SAE1: variants seen among roughly 807,000 people sequenced by gnomAD.
SAE1 encodes SUMO-activating enzyme subunit 1.
SAE1 carries 11 observed loss-of-function variants against 40.6 expected under a neutral mutation model. That is an observed-to-expected ratio of 0.27 (90% confidence interval 0.17 to 0.45). The LOEUF is 0.45. SAE1 is among the 20% of genes least tolerant of loss of function. The pLI is 1.00. For missense variants in SAE1, 373 were observed against 427.3 expected (o/e 0.87, Z 1.12); for synonymous variants, 155 against 154.3 (o/e 1.00, Z -0.03).
chr19:47,166,278 G>A (rs1362484120), intron 5 of SAE1, among the ~76,000 whole-genome samples: 1 of 152,170 alleles, frequency 6.6e-6, no homozygotes, highest in African/African-American at 2.4e-5. Flanking sequence ...AGTGGGCACG[G>A]ATGGGGGCCA....
chr19:47,182,490 T>TGTGTGTGTGC (rs1218293817), intron 6 of SAE1, among the ~76,000 whole-genome samples: 1 of 141,334 alleles, frequency 7.1e-6, no homozygotes, highest in East Asian at 2.0e-4. Context: ...TGTGTGTGTG[T>TGTGTGTGTGC]GTGTGTGCGC....
chr19:47,154,391 G>T (rs774662296), intron 4 of SAE1, among the ~76,000 whole-genome samples: 3 of 148,700 alleles, frequency 2.0e-5, no homozygotes, highest in Non-Finnish European at 4.5e-5. Flanking sequence ...GCTTCTTTGG[G>T]TATATTATAA....
Position 47,130,939 on chromosome 19 carries a change from G to GAAGGAGGAGGCTGGCGGCGGCATTAGC in SAE1, c.10_36dup (p.Lys4_Ser12dup), listed in dbSNP as rs2058137337. Reference sequence around the variant, plus strand: ...CAGGAAGAGCCGGCGCCATGGTGGAGAAGGAGGAGGCTGGCGGCGGCATTA... The same window carrying GAAGGAGGAGGCTGGCGGCGGCATTAGC: ...CAGGAAGAGCCGGCGCCATGGTGGAGAAGGAGGAGGCTGGCGGCGGCATTAGCAAGGAGGAGGCTGGCGGCGGCATTA... On this transcript the variant is annotated inframe_insertion, in exon 1 of 9. Coordinates refer to ENST00000270225, the MANE Select transcript of SAE1 (RefSeq NM_005500.3). The GAAGGAGGAGGCTGGCGGCGGCATTAGC allele has an allele frequency of 6.5e-7, 1 of 1,549,986 alleles. No individual in the cohort carries two copies. Among genetic ancestry groups the GAAGGAGGAGGCTGGCGGCGGCATTAGC allele is most frequent in the Admixed American group, 2.0e-5 (1 of 50,930 alleles).
chr19:47,165,408 A>G (rs185252303), intron 5 of SAE1, among the ~76,000 whole-genome samples: 97 of 152,244 alleles, frequency 6.4e-4, no homozygotes, highest in African/African-American at 2.2e-3. Flanking sequence ...AGTCTTAACT[A>G]GATTGTTGAT....
At chr19:47,157,730 T>G (rs573079879) in intron 5 of SAE1, among the ~76,000 whole-genome samples, 1 of 152,152 alleles carries the variant, frequency 6.6e-6, no homozygotes, top group Non-Finnish European at 1.5e-5. Context: ...CTGGAAGGTA[T>G]CAAAATATTC....
chr19:47,206,304 C>G (rs1006451905), intron 8 of SAE1, among the ~76,000 whole-genome samples: 11 of 152,218 alleles, frequency 7.2e-5, no homozygotes, highest in East Asian at 3.9e-4. Flanking sequence ...ATGCCCTGCT[C>G]TCATCCCCAG....
At chr19:47,180,885 C>T (rs575615314) in intron 6 of SAE1, among the ~76,000 whole-genome samples, 2 of 152,216 alleles carry the variant, frequency 1.3e-5, no homozygotes, top group South Asian at 2.1e-4. Flanking sequence ...CAGGTTGTAC[C>T]TCAGCTGAGT....
chr19:47,143,601 A>C lies in SAE1; in HGVS notation c.206A>C (p.Glu69Ala), dbSNP rs373756791. ...AAAGGACTGACCATGCTGGATCACGAACAGGTGCGCTGTTGTGAGCTCATT... is the reference window on the plus strand; with the variant it reads ...AAAGGACTGACCATGCTGGATCACGCACAGGTGCGCTGTTGTGAGCTCATT... ...GVKGLTMLDHEQVTPEDPGAQ... is the reference protein window; with the variant it reads ...GVKGLTMLDHAQVTPEDPGAQ... Residue 69 changes from glutamate (E) to alanine (A), a missense_variant, in exon 2 of 9, where the codon GAA (glutamate) becomes GCA (alanine). By Grantham distance (107) the Glu-to-Ala change is moderately radical (BLOSUM62 -1). Transcript: ENST00000270225. 8 of 1,611,202 alleles carry C rather than the reference A, an allele frequency of 5.0e-6. No individual in the cohort carries two copies. Among genetic ancestry groups the C allele is most frequent in the Non-Finnish European group, 6.8e-6 (8 of 1,177,508 alleles).
chr19:47,199,265 G>C (rs1259923237), intron 7 of SAE1, among the ~76,000 whole-genome samples: 1 of 151,366 alleles, frequency 6.6e-6, no homozygotes, highest in Non-Finnish European at 1.5e-5. Flanking sequence ...GGGTGCCTAA[G>C]TCCCAGCTAC....
At chr19:47,157,899 C>T (rs1438865415) in intron 5 of SAE1, among the ~76,000 whole-genome samples, 1 of 152,168 alleles carries the variant, frequency 6.6e-6, no homozygotes, top group African/African-American at 2.4e-5. Flanking sequence ...GCCCTGCGGA[C>T]CGACTGGGCT....
rs1437262638 is a variant in SAE1, at chr19:47,209,442, C to T, written c.*191C>T. 1.2e-5 allele frequency: 11 copies of T among 947,158 alleles called. No individual in the cohort carries two copies. Among genetic ancestry groups the T allele is most frequent in the Admixed American group, 2.4e-5 (1 of 41,302 alleles). The allele number at this position is 947,158 out of a possible 1,614,324, so 58.7% of individuals were successfully genotyped here. A position where few individuals can be genotyped will look rare whatever the true frequency, so the allele number is the denominator to read the frequency against. ...TCACCAGCAGCTGCTCGACAAGGGG[C>T]GCAGGGTGGCTGTCTTTGTTCCAGC... On this transcript the variant is annotated 3_prime_UTR_variant, in exon 9 of 9. Coordinates refer to ENST00000270225, the MANE Select transcript of SAE1 (RefSeq NM_005500.3).
chr19:47,185,785 A>G (rs1466065914), intron 6 of SAE1, among the ~76,000 whole-genome samples: 2 of 150,362 alleles, frequency 1.3e-5, no homozygotes, highest in African/African-American at 4.9e-5. Context: ...TATTTTTAGT[A>G]GAGACAGGGT....
chr19:47,186,251 T>TA (rs71180804), intron 6 of SAE1, among the ~76,000 whole-genome samples: 27,274 of 148,748 alleles, frequency 0.18, 2,506 homozygotes, highest in East Asian at 0.36. Context: ...AAAATAAAAA[T>TA]AAAAAAAAAA....
intron 5 of SAE1, among the ~76,000 whole-genome samples, chr19:47,157,896 G>T (rs1445631758): frequency 2.0e-5 from 3 of 152,120 alleles, no homozygotes; most frequent in Non-Finnish European, 4.4e-5. Context: ...AGGGCCCTGC[G>T]GACCGACTGG....
chr19:47,197,840 G>A (rs1041301999), intron 7 of SAE1, among the ~76,000 whole-genome samples: 6 of 152,214 alleles, frequency 3.9e-5, no homozygotes, highest in East Asian at 1.9e-4. Context: ...ACCTTGTGTC[G>A]TACGTGTGCA....
At chr19:47,203,783 T>TG in intron 8 of SAE1, 43 bp downstream of exon 8, 1 of 1,509,030 alleles carries the variant, frequency 6.6e-7, no homozygotes, top group East Asian at 2.3e-5. Context: ...ACCATGACTT[T>TG]GTATATGTGC....
chr19:47,131,230 C>T, intron 1 of SAE1: 2 of 1,299,482 alleles, frequency 1.5e-6, no homozygotes, highest in South Asian at 2.0e-5. Flanking sequence ...TTGGGAGGGC[C>T]GTTCCGAAGG....
In SAE1 at chr19:47,183,195, C is replaced by T. The variant is rs918904823; in HGVS notation, c.733+13272C>T. Among the ~76,000 whole-genome samples the T allele has an allele frequency of 3.3e-5, 5 of 152,192 alleles. No individual in the cohort carries two copies. The South Asian group carries it at 6.2e-4, about 19-fold the overall frequency. On this transcript the variant is annotated intron_variant, in intron 6 of 8. Transcript: ENST00000270225. ...CCTCCCAAAGTGCTGGGATTACAGGCGTGAGCCACTGTGCCTGACCGGTTC... is the reference window on the plus strand; with the variant it reads ...CCTCCCAAAGTGCTGGGATTACAGGTGTGAGCCACTGTGCCTGACCGGTTC...
intron 6 of SAE1, among the ~76,000 whole-genome samples, chr19:47,192,449 A>C (rs1383557855): frequency 2.0e-5 from 3 of 151,944 alleles, no homozygotes; most frequent in African/African-American, 7.3e-5. Flanking sequence ...GGGTTTTATC[A>C]TCTTGGCCAG....
Sources: gnomAD v4.1 joint callset for allele counts (sites outside exome capture counted in the v4.1 genomes callset) on GRCh38, gnomAD v4.1.1 for gene constraint, MANE v1.5 for transcripts, NCBI Gene and HGNC (gene_info 2026-07-23, HGNC 2026-07-21) for gene names.